Variants in KLF12 observed in about 807,000 individuals in gnomAD.
The protein encoded by KLF12 is KLF transcription factor 12.
In KLF12, 9 loss-of-function variants were observed where a neutral mutation model predicts 37.8. The observed-to-expected ratio is 0.24, with a 90% CI of 0.14 to 0.42. KLF12 has a LOEUF of 0.42. KLF12 is among the 10% of genes least tolerant of loss of function. The pLI, the probability that KLF12 is intolerant of heterozygous loss-of-function variation, is 1.00. For synonymous variants in KLF12, 208 were observed against 202.1 expected (o/e 1.03, Z -0.25); for missense variants, 411 against 516.0 (o/e 0.80, Z 1.97).
chr13:74,245,829 G>C, the KLF12 span, among the ~76,000 whole-genome samples: 1 of 152,226 alleles, frequency 6.6e-6, no homozygotes, highest in South Asian at 2.1e-4. Flanking sequence ...CAACAACTTA[G>C]TTTTGAACAG....
Position 73,890,232 on chromosome 13 carries a change from T to C in KLF12, c.124-43859A>G, listed in dbSNP as rs567202970. 5.3e-4 allele frequency among the ~76,000 whole-genome samples: 81 copies of C among 152,222 alleles called. 1 individual carries two copies. The highest frequency in any genetic ancestry group is 3.4e-3 in the Middle Eastern group (1 of 294). On this transcript the variant is annotated intron_variant, in intron 3 of 7. Coordinates refer to ENST00000377669, the MANE Select transcript of KLF12 (RefSeq NM_007249.5). ...CATAAATATCAAGGAGCATGGACTT[T>C]ACAAGCTTTATTTTGGGCTATATTT... is the stretch of plus-strand genomic sequence containing the variant.
rs533922651 is a variant in KLF12 at position 73,687,388 on chromosome 13, G to A, written c.*8102C>T. 20 of 152,666 alleles carry A rather than the reference G, an allele frequency of 1.3e-4. No homozygotes were observed. The highest frequency in any genetic ancestry group is 2.2e-4 in the Non-Finnish European group (15 of 68,018). The allele number at this position is 152,666 out of a possible 1,614,324, so 9.5% of individuals were successfully genotyped here. A position where few individuals can be genotyped will look rare whatever the true frequency, so the allele number is the denominator to read the frequency against. ...AATGAAGCTTTAAACACAACAAATC[G>A]TGGACAGACACGTTGATAGGAAAGA... On this transcript the variant is annotated 3_prime_UTR_variant, in exon 8 of 8. Transcript: ENST00000377669.
At chr13:73,747,497 T>C (rs948530564) in intron 6 of KLF12, among the ~76,000 whole-genome samples, 2 of 152,214 alleles carry the variant, frequency 1.3e-5, no homozygotes, top group Non-Finnish European at 2.9e-5. Flanking sequence ...AGCTCTCAAA[T>C]TGTATTATCT....
At chr13:73,831,364 C>T (rs1477586584) in intron 4 of KLF12, among the ~76,000 whole-genome samples, 2 of 151,904 alleles carry the variant, frequency 1.3e-5, no homozygotes, top group Non-Finnish European at 1.5e-5. Context: ...TATTGTCAGG[C>T]TTAAAGATAA....
chr13:74,103,325 G>C (rs1876469236), intron 1 of KLF12, among the ~76,000 whole-genome samples: 1 of 152,178 alleles, frequency 6.6e-6, no homozygotes, highest in African/African-American at 2.4e-5. Context: ...CTGATCATTT[G>C]AAGCTGTCTC....
intron 6 of KLF12, among the ~76,000 whole-genome samples, chr13:73,740,711 T>C (rs574785960): frequency 3.3e-5 from 5 of 152,328 alleles, no homozygotes; most frequent in African/African-American, 7.2e-5. Flanking sequence ...CTTTGCCAAA[T>C]GTTCTTTTAT....
intron 1 of KLF12, among the ~76,000 whole-genome samples, chr13:74,046,074 ATAGTAAATT>A (rs1349918106): frequency 1.3e-5 from 2 of 152,216 alleles, no homozygotes; most frequent in Non-Finnish European, 2.9e-5. Context: ...CAATCAGTCT[ATAGTAAATT>A]TGGCATGTTT....
intron 7 of KLF12, among the ~76,000 whole-genome samples, chr13:73,696,113 T>A (rs1266541940): frequency 2.0e-5 from 3 of 147,418 alleles, no homozygotes; most frequent in Non-Finnish European, 4.5e-5. Flanking sequence ...TTAGATGGCT[T>A]AAGGCTATTT....
chr13:74,182,858 A>T, the KLF12 span, among the ~76,000 whole-genome samples: 1 of 152,120 alleles, frequency 6.6e-6, no homozygotes, highest in Non-Finnish European at 1.5e-5. Flanking sequence ...TTTATGAAGC[A>T]ATAGGTATAT....
intron 1 of KLF12, among the ~76,000 whole-genome samples, chr13:74,041,834 T>C (rs544725386): frequency 6.6e-6 from 1 of 152,046 alleles, no homozygotes; most frequent in African/African-American, 2.4e-5. Flanking sequence ...CTCTACTACA[T>C]TATTGTGTGA....
the KLF12 span, among the ~76,000 whole-genome samples, chr13:74,274,752 T>C: frequency 1.6e-4 from 24 of 152,260 alleles, no homozygotes; most frequent in African/African-American, 5.5e-4. Flanking sequence ...TATGTATGTG[T>C]AAGCATTTTC....
intron 2 of KLF12, among the ~76,000 whole-genome samples, chr13:73,978,730 T>C (rs1891610997): frequency 1.3e-5 from 2 of 152,204 alleles, no homozygotes; most frequent in African/African-American, 4.8e-5. Flanking sequence ...CCGATGTTAA[T>C]AGCAGTGTTA....
chr13:73,873,133 T>TTATATATA (rs369849689), intron 3 of KLF12, among the ~76,000 whole-genome samples: 1 of 151,578 alleles, frequency 6.6e-6, no homozygotes, highest in Non-Finnish European at 1.5e-5. Context: ...AATCTTTATT[T>TTATATATA]TATATATATA....
chr13:74,182,216 G>A, the KLF12 span, among the ~76,000 whole-genome samples: 16 of 152,230 alleles, frequency 1.1e-4, no homozygotes, highest in South Asian at 2.1e-4. Flanking sequence ...AATTCACTGC[G>A]TTAGGAAGGA....
chr13:73,719,533 C>T (rs754354179), intron 6 of KLF12, among the ~76,000 whole-genome samples: 4 of 151,430 alleles, frequency 2.6e-5, no homozygotes, highest in Admixed American at 1.3e-4. Flanking sequence ...TAATTCTTAC[C>T]AGGATACTTT....
At chr13:73,936,131 G>A (rs1176248208) in intron 3 of KLF12, among the ~76,000 whole-genome samples, 1 of 152,124 alleles carries the variant, frequency 6.6e-6, no homozygotes, top group Non-Finnish European at 1.5e-5. Flanking sequence ...TTGGTTATAA[G>A]TTCTATTTTC....
chr13:73,756,649 A>T (rs908861214), intron 6 of KLF12, among the ~76,000 whole-genome samples: 2 of 152,140 alleles, frequency 1.3e-5, no homozygotes, highest in African/African-American at 2.4e-5. Context: ...TGATGGTTCT[A>T]ATTTATAAAG....
intron 4 of KLF12, among the ~76,000 whole-genome samples, chr13:73,831,013 C>T (rs920349072): frequency 1.7e-5 from 2 of 114,662 alleles, no homozygotes; most frequent in Admixed American, 1.8e-4. Context: ...CACACACACA[C>T]ACACACACAC....
intron 1 of KLF12, among the ~76,000 whole-genome samples, chr13:74,089,001 C>T (rs1439124786): frequency 2.0e-5 from 3 of 152,066 alleles, no homozygotes; most frequent in African/African-American, 4.8e-5. Flanking sequence ...TAAATTAGTA[C>T]CTCTAGACAA....
Sources: gnomAD v4.1 joint callset for allele counts (sites outside exome capture counted in the v4.1 genomes callset) on GRCh38, gnomAD v4.1.1 for gene constraint, MANE v1.5 for transcripts, NCBI Gene and HGNC (gene_info 2026-07-23, HGNC 2026-07-21) for gene names.